The following SULF1 variants were observed in gnomAD, a reference collection of about 807,000 sequenced individuals.
The protein encoded by SULF1 is extracellular sulfatase Sulf-1.
Under a neutral mutation model 110.5 loss-of-function variants are expected in SULF1, and 46 were observed. The ratio of observed to expected loss-of-function variants is 0.42; its 90% CI spans 0.33 to 0.53. The LOEUF (loss-of-function observed/expected upper bound fraction) is 0.53. SULF1 is among the 20% of genes least tolerant of loss of function. The probability of loss-of-function intolerance (pLI) is 0.12; values close to 1 mark genes in which losing one functional copy is unlikely to be tolerated. For missense variants in SULF1, 941 were observed against 1,094.2 expected, an observed-to-expected ratio of 0.86 and a Z score of 1.98; for synonymous variants, 371 against 387.1, an observed-to-expected ratio of 0.96 and a Z score of 0.49.
Position 69,629,549 on chromosome 8 carries a change from G to A in SULF1, c.2154G>A (p.Glu718=). Residue 718 remains glutamate, a synonymous_variant, in exon 19 of 23, where the codon GAG becomes GAA. Transcript: ENST00000402687. ...ATAGCAAACTGCAACTTTTCAAGGAGAACAACCGTAGGAGGAAGAAGGAGA... is the reference window on the plus strand; with the variant it reads ...ATAGCAAACTGCAACTTTTCAAGGAAAACAACCGTAGGAGGAAGAAGGAGA... ...EVDSKLQLFK[E]NNRRRKKERK... 1 of 1,613,984 alleles carries A rather than the reference G, an allele frequency of 6.2e-7. No homozygotes were observed. Among genetic ancestry groups the A allele is most frequent in the Non-Finnish European group, 8.5e-7 (1 of 1,179,920 alleles).
chr8:69,565,473 A>G (rs1732673494), intron 5 of SULF1, among the ~76,000 whole-genome samples: 1 of 152,112 alleles, frequency 6.6e-6, no homozygotes, highest in Non-Finnish European at 1.5e-5. Context: ...AATGTTAAAC[A>G]TATCCTTGCC....
At chr8:69,628,615 A>T (rs1206018519) in intron 18 of SULF1, among the ~76,000 whole-genome samples, 1 of 152,238 alleles carries the variant, frequency 6.6e-6, no homozygotes, top group Non-Finnish European at 1.5e-5. Flanking sequence ...CTGAATTCTG[A>T]AAGTGGGAAG....
chr8:69,560,107 A>T (rs1277205144), intron 3 of SULF1, among the ~76,000 whole-genome samples: 1 of 152,144 alleles, frequency 6.6e-6, no homozygotes, highest in Non-Finnish European at 1.5e-5. Flanking sequence ...AAACGTCCCA[A>T]ACTATACTTT....
chr8:69,628,775 G>A (rs1389353756), intron 18 of SULF1, among the ~76,000 whole-genome samples: 1 of 152,094 alleles, frequency 6.6e-6, no homozygotes, highest in Non-Finnish European at 1.5e-5. Flanking sequence ...TTGTTTAGTA[G>A]AATTTGTCAA....
chr8:69,628,748 A>G (rs1325456426), intron 18 of SULF1, among the ~76,000 whole-genome samples: 1 of 152,234 alleles, frequency 6.6e-6, no homozygotes, highest in Non-Finnish European at 1.5e-5. Context: ...ATTCTAAAAA[A>G]TAAAGGCTAT....
intron 13 of SULF1, among the ~76,000 whole-genome samples, chr8:69,608,603 T>C (rs1398564880): frequency 1.3e-5 from 2 of 152,098 alleles, no homozygotes. Flanking sequence ...GGGAATCACT[T>C]GAACCCAGGA....
At chr8:69,601,943 G>T in intron 10 of SULF1, 114 bp downstream of exon 10, 1 of 1,068,480 alleles carries the variant, frequency 9.4e-7, no homozygotes, top group Non-Finnish European at 1.3e-6. Context: ...AAAAGGATGT[G>T]TGTAGGCTGG....
At chr8:69,579,322 G>C (rs1805885493) in intron 6 of SULF1, among the ~76,000 whole-genome samples, 1 of 152,008 alleles carries the variant, frequency 6.6e-6, no homozygotes, top group East Asian at 1.9e-4. Flanking sequence ...GGGAGGCTGA[G>C]ATGGGCGTAT....
At chr8:69,580,365 G>A (rs2150753107) in intron 6 of SULF1, among the ~76,000 whole-genome samples, 1 of 152,162 alleles carries the variant, frequency 6.6e-6, no homozygotes, top group Admixed American at 6.5e-5. Flanking sequence ...ATAAAACCTG[G>A]CTTAGGTTTT....
At chr8:69,548,554 C>G (rs562737098) in intron 3 of SULF1, among the ~76,000 whole-genome samples, 1 of 150,940 alleles carries the variant, frequency 6.6e-6, no homozygotes, top group East Asian at 2.0e-4. Flanking sequence ...TTCAAACAAT[C>G]CTCCCACCTC....
At chr8:69,636,182 C>T (rs867782111) in intron 19 of SULF1, among the ~76,000 whole-genome samples, 2 of 152,232 alleles carry the variant, frequency 1.3e-5, no homozygotes, top group South Asian at 2.1e-4. Context: ...AAAATAGGAA[C>T]CATTACACCC....
intron 7 of SULF1, among the ~76,000 whole-genome samples, chr8:69,587,121 G>A (rs1379387532): frequency 7.9e-5 from 12 of 152,212 alleles, no homozygotes. Flanking sequence ...TTGACCAGTG[G>A]GTTCTAGTTT....
chr8:69,546,832 T>G (rs1814292485), intron 3 of SULF1, among the ~76,000 whole-genome samples: 1 of 152,216 alleles, frequency 6.6e-6, no homozygotes, highest in Non-Finnish European at 1.5e-5. Flanking sequence ...CACTATATTC[T>G]CATTACTCGG....
At chr8:69,481,033 A>C (rs1199226396) in intron 1 of SULF1, among the ~76,000 whole-genome samples, 1 of 152,066 alleles carries the variant, frequency 6.6e-6, no homozygotes, top group Non-Finnish European at 1.5e-5. Context: ...AACTTAAAGT[A>C]TAATAATAAT....
In SULF1 at chr8:69,601,796, T is replaced by A. The variant is rs764185428; in HGVS notation, c.1028T>A (p.Phe343Tyr). The A allele has an allele frequency of 2.4e-5, 39 of 1,611,124 alleles. No individual in the cohort carries two copies. In the South Asian group the frequency reaches 4.3e-4, roughly 18 times the overall value. Reference protein sequence around the residue: ...PYDFDIRVPFFIRGPSVEPGS... With the variant: ...PYDFDIRVPFYIRGPSVEPGS... Reference sequence around the variant, plus strand: ...GACTTTGATATTCGTGTGCCTTTTTTTATTCGTGGTCCAAGTGTAGAACCA... The same window carrying A: ...GACTTTGATATTCGTGTGCCTTTTTATATTCGTGGTCCAAGTGTAGAACCA... Residue 343 changes from phenylalanine (F) to tyrosine (Y), a missense_variant, in exon 10 of 23, where the codon TTT (phenylalanine) becomes TAT (tyrosine). Transcript: ENST00000402687.
chr8:69,481,610 C>T (rs903861149), intron 1 of SULF1, among the ~76,000 whole-genome samples: 1 of 152,086 alleles, frequency 6.6e-6, no homozygotes, highest in Admixed American at 6.5e-5. Flanking sequence ...GCTTTTCCTC[C>T]TCCCAACCAC....
intron 3 of SULF1, among the ~76,000 whole-genome samples, chr8:69,515,339 C>T (rs1811856488): frequency 6.6e-6 from 1 of 152,220 alleles, no homozygotes; most frequent in Non-Finnish European, 1.5e-5. Flanking sequence ...TCCTCTGAAG[C>T]AATGGTCCAA....
chr8:69,605,398 G>A (rs1808157506), intron 13 of SULF1, among the ~76,000 whole-genome samples: 1 of 152,160 alleles, frequency 6.6e-6, no homozygotes, highest in South Asian at 2.1e-4. Context: ...CCAAGCTTGA[G>A]GAATGAGAAG....
chr8:69,627,709 A>G (rs977180055), intron 16 of SULF1, 63 bp from the exon 17 acceptor site: 1 of 1,126,092 alleles, frequency 8.9e-7, no homozygotes, highest in Admixed American at 2.0e-5. Flanking sequence ...AGGTGAAAAG[A>G]AAAGTACTTT....
Sources: gnomAD v4.1 joint callset for allele counts (sites outside exome capture counted in the v4.1 genomes callset) on GRCh38, gnomAD v4.1.1 for gene constraint, MANE v1.5 for transcripts, NCBI Gene and HGNC (gene_info 2026-07-23, HGNC 2026-07-21) for gene names.